The following ADTRP variants were observed in gnomAD, a reference collection of about 807,000 sequenced individuals.
ADTRP encodes androgen-dependent TFPI-regulating protein.
In ADTRP, 20 loss-of-function variants were observed where a neutral mutation model predicts 27.0. The observed-to-expected ratio is 0.74, with a 90% confidence interval of 0.52 to 1.08. ADTRP has a LOEUF of 1.08. ADTRP is among the 50% of genes least tolerant of loss of function. The probability of loss-of-function intolerance (pLI) is 0.00; values close to 1 mark genes in which losing one functional copy is unlikely to be tolerated. For missense variants in ADTRP, 251 were observed against 275.0 expected (o/e 0.91, Z 0.62); for synonymous variants, 101 against 105.2 (o/e 0.96, Z 0.25).
At chr6:11,737,076 C>T (rs1327428394) in intron 3 of ADTRP, among the ~76,000 whole-genome samples, 5 of 150,280 alleles carry the variant, frequency 3.3e-5, no homozygotes, top group African/African-American at 1.2e-4. Context: ...CTGCTGCAGC[C>T]TGCTCCCATC....
chr6:11,742,012 A>G (rs1177623838), intron 3 of ADTRP, among the ~76,000 whole-genome samples: 1 of 124,452 alleles, frequency 8.0e-6, no homozygotes, highest in Non-Finnish European at 2.0e-5. Context: ...CTATTTTGGT[A>G]CCTACAATCA....
chr6:11,723,550 G>A lies in ADTRP; in HGVS notation c.507-50C>T, dbSNP rs774263179. On this transcript the variant is annotated intron_variant, in intron 4 of 5. Transcript: ENST00000414691. ...GGTTATAGCAGGAGGAGAAAAACAAGCCATTTTCTCATCAGGATTAATGAG... is the reference window on the plus strand; with the variant it reads ...GGTTATAGCAGGAGGAGAAAAACAAACCATTTTCTCATCAGGATTAATGAG... 2.7e-5 allele frequency: 44 copies of A among 1,600,338 alleles called. 1 individual carries two copies. The South Asian group carries it at 4.7e-4, about 17-fold the overall frequency.
chr6:11,755,230 C>A (rs556426310), intron 3 of ADTRP: 1 of 262,210 alleles, frequency 3.8e-6, no homozygotes. Flanking sequence ...CACTAAAAAC[C>A]TTTGACCTTG....
At chr6:11,716,719 C>CTTTTTCTTTTTTTTTTTTTTT (rs200468981) in intron 5 of ADTRP, among the ~76,000 whole-genome samples, 1 of 125,412 alleles carries the variant, frequency 8.0e-6, no homozygotes, top group Non-Finnish European at 1.6e-5. Context: ...TTTTCTTTTT[C>CTTTTTCTTTTTTTTTTTTTTT]TTTTTTTTTT....
At position 11,742,232 on chromosome 6, in the gene ADTRP, C is replaced by T. The variant is rs565960866; in HGVS notation, c.391-6549G>A. 1.1e-4 allele frequency among the ~76,000 whole-genome samples: 17 copies of T among 152,340 alleles called. No individual in the cohort carries two copies. In the South Asian group the frequency reaches 2.9e-3, roughly 26 times the overall value. On this transcript the variant is annotated intron_variant, in intron 3 of 5. Transcript: ENST00000414691. The stretch of plus-strand genomic sequence containing the variant: ...CTTCCCTCATCTCAGAGCATCTCAG[C>T]AGGCTCCCTCCCTTCTACTCAGTCT...
Position 11,714,462 on chromosome 6 carries a change from G to A in ADTRP, c.*16C>T. On this transcript the variant is annotated 3_prime_UTR_variant, in exon 6 of 6. Transcript: ENST00000414691. ...TGTGTTTTCTTCTTTCTTGGTTCTT[G>A]GAAAATGGTGTGCAATTACTTCCTC... 1 of 1,608,680 alleles carries A rather than the reference G, an allele frequency of 6.2e-7. No homozygotes were observed. The highest frequency in any genetic ancestry group is 8.5e-7 in the Non-Finnish European group (1 of 1,178,512).
rs1268831266 is a variant in ADTRP, at chr6:11,773,139, G to A, written c.154-4756C>T. Among the ~76,000 whole-genome samples the A allele has an allele frequency of 2.0e-5, 3 of 152,232 alleles. No homozygotes were observed. The South Asian group carries it at 6.2e-4, about 32-fold the overall frequency. The stretch of plus-strand genomic sequence containing the variant: ...AGTTAGGTACAGAAATTGTCGGTGA[G>A]GTATCAGAACATAATACAGGCCAGG... On this transcript the variant is annotated intron_variant, in intron 1 of 5. Coordinates refer to ENST00000414691, the MANE Select transcript of ADTRP (RefSeq NM_032744.4).
At chr6:11,728,072 A>G (rs892278296) in intron 4 of ADTRP, among the ~76,000 whole-genome samples, 2 of 152,132 alleles carry the variant, frequency 1.3e-5, no homozygotes, top group African/African-American at 2.4e-5. Context: ...CTTGCCCCCA[A>G]GTTTGATCCC....
At chr6:11,768,176 C>A in intron 2 of ADTRP, 73 bp downstream of exon 2, 1 of 1,564,632 alleles carries the variant, frequency 6.4e-7, no homozygotes, top group Non-Finnish European at 8.7e-7. Context: ...TCCCAAACAG[C>A]TTGGCTGCCC....
chr6:11,729,370 A>T (rs1031739665), intron 4 of ADTRP, among the ~76,000 whole-genome samples: 3 of 151,682 alleles, frequency 2.0e-5, no homozygotes, highest in Non-Finnish European at 4.4e-5. Context: ...CTGTTGCCCA[A>T]CCCCTCCCTG....
intron 4 of ADTRP, among the ~76,000 whole-genome samples, chr6:11,727,734 G>A (rs1383918411): frequency 6.6e-6 from 1 of 152,136 alleles, no homozygotes; most frequent in Non-Finnish European, 1.5e-5. Context: ...AGTTATAGGT[G>A]TGGTACCTGA....
At chr6:11,768,648 CAAAAT>C (rs1172535873) in intron 1 of ADTRP, among the ~76,000 whole-genome samples, 1 of 151,914 alleles carries the variant, frequency 6.6e-6, no homozygotes, top group Non-Finnish European at 1.5e-5. Context: ...AACATGGAAA[CAAAAT>C]AAAGAGTCAG....
At chr6:11,750,150 A>G (rs1321126799) in intron 3 of ADTRP, among the ~76,000 whole-genome samples, 1 of 152,210 alleles carries the variant, frequency 6.6e-6, no homozygotes, top group Admixed American at 6.5e-5. Context: ...CACAAGAATA[A>G]AAGAGGTTGG....
At chr6:11,726,016 A>G (rs1762184100) in intron 4 of ADTRP, among the ~76,000 whole-genome samples, 1 of 152,134 alleles carries the variant, frequency 6.6e-6, no homozygotes, top group African/African-American at 2.4e-5. Context: ...GTGCCCACTG[A>G]TAGATGAATG....
intron 3 of ADTRP, among the ~76,000 whole-genome samples, chr6:11,740,546 C>T (rs894715692): frequency 4.6e-5 from 7 of 152,176 alleles, no homozygotes; most frequent in African/African-American, 1.7e-4. Context: ...CTTATTATTA[C>T]GCTGCTGGGT....
chr6:11,772,128 A>G (rs1763803512), intron 1 of ADTRP, among the ~76,000 whole-genome samples: 1 of 152,246 alleles, frequency 6.6e-6, no homozygotes, highest in Admixed American at 6.5e-5. Context: ...ACGTAACGGC[A>G]TCTACTTATT....
chr6:11,721,806 A>C (rs1315332038), intron 5 of ADTRP, among the ~76,000 whole-genome samples: 1 of 152,208 alleles, frequency 6.6e-6, no homozygotes, highest in Non-Finnish European at 1.5e-5. Flanking sequence ...CTTGTTAAGA[A>C]CGTTGTATTG....
chr6:11,713,724 G>A lies in ADTRP; in HGVS notation c.*754C>T, dbSNP rs546552537. ...ATTAATCAATGTTCAAATGGAAGAG[G>A]TTTTGACAATGTCACTATGTTTGAT... On this transcript the variant is annotated 3_prime_UTR_variant, in exon 6 of 6. Transcript: ENST00000414691. 6.6e-6 allele frequency: 1 copy of A among 152,256 alleles called. No individual in the cohort carries two copies. Among genetic ancestry groups the A allele is most frequent in the Admixed American group, 6.5e-5 (1 of 15,300 alleles). The allele number at this position is 152,256 out of a possible 1,614,324, so 9.4% of individuals were successfully genotyped here. A position where few individuals can be genotyped will look rare whatever the true frequency, so the allele number is the denominator to read the frequency against.
Position 11,768,257 on chromosome 6 carries a change from C to T in ADTRP, c.280G>A (p.Val94Ile). ...DLLFTTLAFP[V>I]STFVFLAFWI... is the part of the protein sequence containing the mutation. ...ACATCTTTGAAACTTACCGTGGATA[C>T]AGGAAAAGCCAGAGTGGTGAAAAGC... The change falls in exon 2 of 6, where the codon GTA (valine) becomes ATA (isoleucine). Residue 94 changes from valine (V) to isoleucine (I), a missense_variant. Physicochemically the swap from Val to Ile is conservative, Grantham distance 29 (BLOSUM62 3). Transcript: ENST00000414691. The T allele has an allele frequency of 6.2e-7, 1 of 1,614,130 alleles. No homozygotes were observed. Among genetic ancestry groups the T allele is most frequent in the Non-Finnish European group, 8.5e-7 (1 of 1,180,022 alleles).
Sources: allele counts gnomAD v4.1 joint callset (sites outside exome capture counted in the v4.1 genomes callset), GRCh38; gene constraint gnomAD v4.1.1; transcripts MANE v1.5; gene names NCBI Gene and HGNC (gene_info 2026-07-23, HGNC 2026-07-21).